DIS3: variants seen among roughly 807,000 people sequenced by gnomAD.
DIS3 encodes the protein DIS3 exosome endoribonuclease and 3'-5' exoribonuclease.
A neutral mutation model predicts 113.0 loss-of-function variants in DIS3; 103 were observed. That is an observed-to-expected ratio of 0.91 (90% CI 0.78 to 1.07). DIS3 has a LOEUF of 1.07. DIS3 is among the 50% of genes least tolerant of loss of function. The probability of loss-of-function intolerance (pLI) is 0.00; values close to 1 mark genes in which losing one functional copy is unlikely to be tolerated. For synonymous variants in DIS3, 402 were observed against 394.3 expected, an observed-to-expected ratio of 1.02 and a Z score of -0.23; for missense variants, 1,121 against 1,167.1, an observed-to-expected ratio of 0.96 and a Z score of 0.58.
rs964743425 is a variant in DIS3, at chr13:72,775,997, T to C, written c.750A>G (p.Thr250=). 2 of 1,611,924 alleles carry C rather than the reference T, an allele frequency of 1.2e-6. No homozygotes were observed. Among genetic ancestry groups the C allele is most frequent in the South Asian group, 1.1e-5 (1 of 90,430 alleles). Reference sequence around the variant, plus strand: ...AGTAATTTTCCCTGCTAGCTCTAAATGTTCCTTGAAGGTATGTACCAGATT... The same window carrying C: ...AGTAATTTTCCCTGCTAGCTCTAAACGTTCCTTGAAGGTATGTACCAGATT... The part of the protein sequence containing the change: ...GIKSGTYLQG[T]FRASRENYLE... The change falls in exon 5 of 21, where the codon ACA becomes ACG. Residue 250 remains threonine (T), a synonymous_variant. Transcript: ENST00000377767.
Position 72,780,744 on chromosome 13 carries a change from A to C in DIS3, c.386+102T>G, listed in dbSNP as rs2034166160. The C allele has an allele frequency of 4.5e-6, 5 of 1,112,100 alleles. No homozygotes were observed. The Admixed American group carries it at 1.2e-4, about 26-fold the overall frequency. 68.9% of individuals were successfully genotyped at this position (1,112,100 alleles called of 1,614,324 possible). ...AAGAATTAAATAAGGTATGAAATCT[A>C]TCACTTATCTTCTGACAATGTCATA... On this transcript the variant is annotated intron_variant, in intron 2 of 20. Transcript: ENST00000377767.
At position 72,781,582 on chromosome 13, in the gene DIS3, C is replaced by T. The variant is rs2034226968; in HGVS notation, c.228+23G>A. 2.3e-5 allele frequency: 34 copies of T among 1,485,934 alleles called. No individual in the cohort carries two copies. The East Asian group carries it at 8.2e-4, about 36-fold the overall frequency. 92.0% of individuals were successfully genotyped at this position (1,485,934 alleles called of 1,614,324 possible). Reference sequence around the variant, plus strand: ...CCTTGTCCCCGTGGGGCCGCGCTGTCCGCGGTTCGCCCGCCCACGCACCTG... The same window carrying T: ...CCTTGTCCCCGTGGGGCCGCGCTGTTCGCGGTTCGCCCGCCCACGCACCTG... On this transcript the variant is annotated intron_variant, in intron 1 of 20. Coordinates refer to ENST00000377767, the MANE Select transcript of DIS3 (RefSeq NM_014953.5).
At position 72,771,844 on chromosome 13, in the gene DIS3, A is replaced by G; in HGVS notation, c.1556T>C (p.Leu519Ser). The G allele has an allele frequency of 1.9e-6, 3 of 1,613,830 alleles. No homozygotes were observed. Among genetic ancestry groups the G allele is most frequent in the Non-Finnish European group, 2.5e-6 (3 of 1,179,898 alleles). Residue 519 changes from leucine (L) to serine (S), a missense_variant, in exon 11 of 21, where the codon TTG becomes TCG. Around this residue, in one of 3 missense-constraint regions of DIS3, gnomAD observed 861 missense variants for 915.5 expected, o/e 0.94. Transcript: ENST00000377767. ...TCCTCTTCTGGCTGATTCTTGATCC[A>G]AGGCATTTCCTGGCCTAATAAAATG... Reference protein sequence around the residue: ...VSHFIRPGNALDQESARRGTT... With the variant: ...VSHFIRPGNASDQESARRGTT...
At chr13:72,777,787 A>G (rs1231546865) in intron 3 of DIS3, among the ~76,000 whole-genome samples, 2 of 149,624 alleles carry the variant, frequency 1.3e-5, no homozygotes, top group East Asian at 2.0e-4. Flanking sequence ...TAGTCTCCCT[A>G]TGTTGCCCAG....
chr13:72,762,132 CA>C lies in DIS3; in HGVS notation c.2132del (p.Leu711TrpfsTer26), dbSNP rs1409027310. 1 of 1,613,158 alleles carries C rather than the reference CA, an allele frequency of 6.2e-7. No homozygotes were observed. The highest frequency in any genetic ancestry group is 2.2e-5 in the East Asian group (1 of 44,838). ...ILVKAARSRN[L>X]EIKTDTAKSL... is the part of the protein sequence containing the mutation. Reference sequence around the variant, plus strand: ...ACTTGGCTGTATCAGTCTTAATTTCCAAATTCTGTAAACAAAAAGGAGGGAA... The same window carrying C: ...ACTTGGCTGTATCAGTCTTAATTTCCAATTCTGTAAACAAAAAGGAGGGAA... On this transcript the variant is annotated frameshift_variant, in exon 17 of 21. Transcript: ENST00000377767. LOFTEE classifies it high-confidence loss of function.
chr13:72,778,211 C>T lies in DIS3; in HGVS notation c.556G>A (p.Glu186Lys). ...NDRRNKEKAI[E>K]EGIPAFTCEE... The stretch of plus-strand genomic sequence containing the variant: ...CAAGTGAAAGCTGGTATTCCTTCTT[C>T]TATGGCTTTCTCTTTGTTTCTCCTG... The change falls in exon 3 of 21, where the codon GAA becomes AAA. Residue 186 changes from glutamate to lysine, a missense_variant. Coordinates refer to ENST00000377767, the MANE Select transcript of DIS3 (RefSeq NM_014953.5). The T allele has an allele frequency of 6.3e-7, 1 of 1,596,792 alleles. No homozygotes were observed.
intron 14 of DIS3, among the ~76,000 whole-genome samples, chr13:72,766,914 T>C (rs912876539): frequency 5.3e-5 from 8 of 152,166 alleles, no homozygotes; most frequent in African/African-American, 1.9e-4. Context: ...CTTCAATTCC[T>C]CACCTTTATT....
rs750057956 is a variant in DIS3 at position 72,781,734 on chromosome 13, C to T, written c.99G>A (p.Ala33=). ...CCCCTCCACACGCTGCGCACCCGGGCGCACCGCAGCCGATGTCGTCTCGCA... is the reference window on the plus strand; with the variant it reads ...CCCCTCCACACGCTGCGCACCCGGGTGCACCGCAGCCGATGTCGTCTCGCA... ...HYLRDDIGCG[A]PGCAACGGAH... is the part of the protein sequence containing the mutation. Residue 33 remains alanine, a synonymous_variant, in exon 1 of 21, where the codon GCG becomes GCA. Coordinates refer to ENST00000377767, the MANE Select transcript of DIS3 (RefSeq NM_014953.5). 2.8e-5 allele frequency: 44 copies of T among 1,587,672 alleles called. No individual in the cohort carries two copies. Among genetic ancestry groups the T allele is most frequent in the Non-Finnish European group, 3.5e-5 (41 of 1,168,044 alleles).
In DIS3 at chr13:72,781,711, C is replaced by T. The variant is rs764982259; in HGVS notation, c.122G>A (p.Gly41Glu). ...CGAPGCAACG[G>E]AHEGPALEPQ... is the part of the protein sequence containing the mutation. ...CTCCAGGGCCGGCCCCTCGTGCGCC[C>T]CTCCACACGCTGCGCACCCGGGCGC... is the stretch of plus-strand genomic sequence containing the variant. The change falls in exon 1 of 21, where the codon GGG becomes GAG. Residue 41 changes from glycine to glutamate, a missense_variant. By Grantham distance (98) the Gly-to-Glu change is moderately conservative (BLOSUM62 -2). Transcript: ENST00000377767. 48 of 1,572,494 alleles carry T rather than the reference C, an allele frequency of 3.1e-5. No individual in the cohort carries two copies. Among genetic ancestry groups the T allele is most frequent in the Non-Finnish European group, 5.2e-6 (6 of 1,160,156 alleles).
In DIS3 at chr13:72,781,889, A is replaced by T; in HGVS notation, c.-57T>A. The T allele has an allele frequency of 7.0e-7, 1 of 1,432,682 alleles. No individual in the cohort carries two copies. The highest frequency in any genetic ancestry group is 2.6e-5 in the East Asian group (1 of 38,518). The allele number at this position is 1,432,682 out of a possible 1,614,324, so 88.7% of individuals were successfully genotyped here. A position where few individuals can be genotyped will look rare whatever the true frequency, so the allele number is the denominator to read the frequency against. ...CAGCGCTCTTCCAGCAAAAGGCGTCAATCTAGAATACGCCTAACCCCGGAG... is the reference window on the plus strand; with the variant it reads ...CAGCGCTCTTCCAGCAAAAGGCGTCTATCTAGAATACGCCTAACCCCGGAG... On this transcript the variant is annotated 5_prime_UTR_variant, in exon 1 of 21. Coordinates refer to ENST00000377767, the MANE Select transcript of DIS3 (RefSeq NM_014953.5).
At position 72,775,326 on chromosome 13, in the gene DIS3, A is replaced by G. The variant is rs139270132; in HGVS notation, c.872T>C (p.Ile291Thr). 28 of 1,613,518 alleles carry G rather than the reference A, an allele frequency of 1.7e-5. 1 individual carries two copies. Among genetic ancestry groups the G allele is most frequent in the Admixed American group, 5.0e-5 (3 of 59,954 alleles). The part of the protein sequence containing the change: ...KHLNRAVHED[I>T]VAVELLPKSQ... Reference sequence around the variant, plus strand: ...CTTGGGGAGAAGCTCCACAGCCACAATATCTTCGTGAACAGCTCTGTTTAA... The same window carrying G: ...CTTGGGGAGAAGCTCCACAGCCACAGTATCTTCGTGAACAGCTCTGTTTAA... Residue 291 changes from isoleucine to threonine, a missense_variant, in exon 6 of 21, where the codon ATT becomes ACT. Coordinates refer to ENST00000377767, the MANE Select transcript of DIS3 (RefSeq NM_014953.5).
rs547446356 is a variant in DIS3, at chr13:72,769,360, C to A, written c.1756-448G>T. Among the ~76,000 whole-genome samples the A allele has an allele frequency of 2.6e-5, 4 of 152,146 alleles. No individual in the cohort carries two copies. The South Asian group carries it at 8.3e-4, about 32-fold the overall frequency. ...TGTTTTGCAGGAAATCCAGTAAATA[C>A]CCAAAATTAAGCATGTAAAAACCAG... On this transcript the variant is annotated intron_variant, in intron 13 of 20. Transcript: ENST00000377767.
In DIS3 at chr13:72,780,894, G is replaced by C; in HGVS notation, c.338C>G (p.Thr113Ser). Residue 113 changes from threonine (T) to serine (S), a missense_variant, in exon 2 of 21, where the codon ACT becomes AGT. By Grantham distance (58) the Thr-to-Ser change is moderately conservative (BLOSUM62 1). Around this residue, in one of 3 missense-constraint regions of DIS3, gnomAD observed 254 missense variants for 232.2 expected, o/e 1.09. Transcript: ENST00000377767. ...APVYKRIRDV[T>S]NNQEKHFYTF... ...ATAGAAATGCTTCTCTTGGTTATTA[G>C]TCACATCTCGGATGCGTTTATATAC... 1 of 1,612,230 alleles carries C rather than the reference G, an allele frequency of 6.2e-7. No homozygotes were observed. The highest frequency in any genetic ancestry group is 2.2e-5 in the East Asian group (1 of 44,810).
intron 20 of DIS3, 81 bp downstream of exon 20, chr13:72,760,448 C>T: frequency 2.6e-6 from 4 of 1,559,446 alleles, no homozygotes; most frequent in East Asian, 2.3e-5. Context: ...TAACATTAAA[C>T]AGAAATAACT....
At position 72,771,884 on chromosome 13, in the gene DIS3, TATG is replaced by T; in HGVS notation, c.1513_1515del (p.His505del). 6.2e-7 allele frequency: 1 copy of T among 1,613,488 alleles called. No individual in the cohort carries two copies. The highest frequency in any genetic ancestry group is 8.5e-7 in the Non-Finnish European group (1 of 1,179,800). On this transcript the variant is annotated inframe_deletion, in exon 11 of 21. Coordinates refer to ENST00000377767, the MANE Select transcript of DIS3 (RefSeq NM_014953.5). Reference sequence around the variant, plus strand: ...CTAATAAAATGGCTCACATCAGCAATATGAACACCAACCTTAAAAAGATAAAAA... The same window carrying T: ...CTAATAAAATGGCTCACATCAGCAATAACACCAACCTTAAAAAGATAAAAA...
intron 4 of DIS3, among the ~76,000 whole-genome samples, 199 bp from the exon 5 acceptor site, chr13:72,776,291 G>A (rs557250780): frequency 2.6e-5 from 4 of 151,990 alleles, no homozygotes; most frequent in Non-Finnish European, 5.9e-5. Flanking sequence ...TTCATTTTGC[G>A]ATCTCTAATA....
Position 72,757,740 on chromosome 13 carries a change from A to G in DIS3, c.*2055T>C, listed in dbSNP as rs1256930807. 1 of 190,732 alleles carries G rather than the reference A, an allele frequency of 5.2e-6. No individual in the cohort carries two copies. Among genetic ancestry groups the G allele is most frequent in the South Asian group, 1.9e-4 (1 of 5,140 alleles). 11.8% of individuals were successfully genotyped at this position (190,732 alleles called of 1,614,324 possible). On this transcript the variant is annotated 3_prime_UTR_variant, in exon 21 of 21. Coordinates refer to ENST00000377767, the MANE Select transcript of DIS3 (RefSeq NM_014953.5). ...CCGCACCTAGCCGGCAAACTTTTTT[A>G]AATGGTTGGCGGGGGTGGGGGAAAT... is the stretch of plus-strand genomic sequence containing the variant.
At chr13:72,780,048 C>A (rs2138241655) in intron 2 of DIS3, among the ~76,000 whole-genome samples, 1 of 152,120 alleles carries the variant, frequency 6.6e-6, no homozygotes, top group Non-Finnish European at 1.5e-5. Context: ...ATATTCCTGG[C>A]CAGGCACGGT....
chr13:72,780,854 C>G lies in DIS3; in HGVS notation c.378G>C (p.Glu126Asp), dbSNP rs2034174132. 6.2e-7 allele frequency: 1 copy of G among 1,606,072 alleles called. No homozygotes were observed. Among genetic ancestry groups the G allele is most frequent in the Non-Finnish European group, 8.5e-7 (1 of 1,177,412 alleles). Reference protein sequence around the residue: ...QEKHFYTFTNEHHRETYVEQE... With the variant: ...QEKHFYTFTNDHHRETYVEQE... ...CGTAATATTCCTCCTACCTATGGTG[C>G]TCATTAGTGAAAGTATAGAAATGCT... Residue 126 changes from glutamate to aspartate, a missense_variant, in exon 2 of 21, where the codon GAG (glutamate) becomes GAC (aspartate). By Grantham distance (45) the Glu-to-Asp change is conservative. Transcript: ENST00000377767.
Sources: gnomAD v4.1 joint callset for allele counts (sites outside exome capture counted in the v4.1 genomes callset) on GRCh38, gnomAD v4.1.1 for gene constraint, gnomAD v4.1.1 regional missense constraint, MANE v1.5 for transcripts, NCBI Gene and HGNC (gene_info 2026-07-23, HGNC 2026-07-21) for gene names.